The following CRX variants were observed in gnomAD, a reference collection of about 807,000 sequenced individuals.
CRX encodes cone-rod homeobox.
CRX carries 5 observed loss-of-function variants against 13.1 expected under a neutral mutation model. The ratio of observed to expected loss-of-function variants is 0.38; its 90% CI spans 0.20 to 0.80. The LOEUF (loss-of-function observed/expected upper bound fraction) is 0.80, where lower values mean the gene tolerates loss of function less well. CRX is among the 30% of genes least tolerant of loss of function. The pLI is 0.43. For missense variants in CRX, 351 were observed against 391.8 expected (o/e 0.90, Z 0.88); for synonymous variants, 179 against 171.1 (o/e 1.05, Z -0.36).
chr19:47,830,061 A>G (rs941987041), intron 1 of CRX, among the ~76,000 whole-genome samples: 4 of 149,300 alleles, frequency 2.7e-5, no homozygotes, highest in African/African-American at 7.3e-5. Context: ...AACACAAATA[A>G]TAATAAATAT....
At chr19:47,836,641 A>G (rs1390529142) in intron 3 of CRX, among the ~76,000 whole-genome samples, 1 of 152,192 alleles carries the variant, frequency 6.6e-6, no homozygotes, top group Non-Finnish European at 1.5e-5. Flanking sequence ...CTTTGCACTC[A>G]GTTTCCTCTA....
chr19:47,830,143 G>GA (rs5828319), intron 1 of CRX, among the ~76,000 whole-genome samples: 75,021 of 151,064 alleles, frequency 0.5, 19,261 homozygotes, highest in Middle Eastern at 0.63. Context: ...AATTAAATGG[G>GA]AAAAAAAGAA....
intron 1 of CRX, among the ~76,000 whole-genome samples, chr19:47,833,342 T>C (rs1968078026): frequency 6.6e-6 from 1 of 151,252 alleles, no homozygotes; most frequent in Non-Finnish European, 1.5e-5. Context: ...AGTGCGGTGG[T>C]GCGATCTTGG....
Position 47,840,244 on chromosome 19 carries a change from G to T in CRX, c.*277G>T. 2.2e-6 allele frequency: 1 copy of T among 456,320 alleles called. No homozygotes were observed. The highest frequency in any genetic ancestry group is 4.0e-6 in the Non-Finnish European group (1 of 250,646). The allele number at this position is 456,320 out of a possible 1,614,324, so 28.3% of individuals were successfully genotyped here. A position where few individuals can be genotyped will look rare whatever the true frequency, so the allele number is the denominator to read the frequency against. ...CGCTGAAGTACACCACGAGCTCCAGGCTTCAGAAAGTGGTGCTGAGAACTT... is the reference window on the plus strand; with the variant it reads ...CGCTGAAGTACACCACGAGCTCCAGTCTTCAGAAAGTGGTGCTGAGAACTT... On this transcript the variant is annotated 3_prime_UTR_variant, in exon 4 of 4. Coordinates refer to ENST00000221996, the MANE Select transcript of CRX (RefSeq NM_000554.6).
Position 47,840,391 on chromosome 19 carries a change from A to C in CRX, c.*424A>C. 5.1e-6 allele frequency: 1 copy of C among 196,122 alleles called. No individual in the cohort carries two copies. Among genetic ancestry groups the C allele is most frequent in the South Asian group, 8.5e-5 (1 of 11,744 alleles). The allele number at this position is 196,122 out of a possible 1,614,324, so 12.1% of individuals were successfully genotyped here. ...TAACTTAACTTTCCACGTGGACAGA[A>C]TTTTTTTTTTTGTTTTGTTTTTGTT... On this transcript the variant is annotated 3_prime_UTR_variant, in exon 4 of 4. Coordinates refer to ENST00000221996, the MANE Select transcript of CRX (RefSeq NM_000554.6).
At chr19:47,837,369 G>T (rs1968130021) in intron 3 of CRX, among the ~76,000 whole-genome samples, 1 of 152,088 alleles carries the variant, frequency 6.6e-6, no homozygotes, top group African/African-American at 2.4e-5. Flanking sequence ...GTTTCACCAT[G>T]TTGGCCAGGC....
chr19:47,842,676 G>T lies in CRX; in HGVS notation c.*2709G>T. On this transcript the variant is annotated 3_prime_UTR_variant, in exon 4 of 4. Coordinates refer to ENST00000221996, the MANE Select transcript of CRX (RefSeq NM_000554.6). ...GAGGAAGACAACATATGTCACTGGG[G>T]AGGCTGGGGGAGCTAGACAAAATTC... 1 of 152,400 alleles carries T rather than the reference G, an allele frequency of 6.6e-6. No individual in the cohort carries two copies. The allele number at this position is 152,400 out of a possible 1,614,324, so 9.4% of individuals were successfully genotyped here. A position where few individuals can be genotyped will look rare whatever the true frequency, so the allele number is the denominator to read the frequency against.
At chr19:47,827,564 A>G in intron 1 of CRX, among the ~76,000 whole-genome samples, 2 of 92,052 alleles carry the variant, frequency 2.2e-5, no homozygotes. Context: ...TTTTTGACAG[A>G]GTCTTGCTCT....
intron 3 of CRX, among the ~76,000 whole-genome samples, chr19:47,837,537 TGTTA>T (rs1237215509): frequency 1.3e-5 from 2 of 152,202 alleles, no homozygotes; most frequent in African/African-American, 4.8e-5. Context: ...AAAATGTGTG[TGTTA>T]GTATGATTGT....
At position 47,840,226 on chromosome 19, in the gene CRX, G is replaced by A. The variant is rs1968178137; in HGVS notation, c.*259G>A. ...GTCTGGCACGATTGTGACCGCTGAA[G>A]TACACCACGAGCTCCAGGCTTCAGA... On this transcript the variant is annotated 3_prime_UTR_variant, in exon 4 of 4. Transcript: ENST00000221996. 1 of 499,542 alleles carries A rather than the reference G, an allele frequency of 2.0e-6. No individual in the cohort carries two copies. The highest frequency in any genetic ancestry group is 3.4e-5 in the Admixed American group (1 of 29,534). The allele number at this position is 499,542 out of a possible 1,614,324, so 30.9% of individuals were successfully genotyped here.
intron 1 of CRX, among the ~76,000 whole-genome samples, chr19:47,831,986 G>A (rs1599978234): frequency 6.6e-6 from 1 of 150,710 alleles, no homozygotes; most frequent in East Asian, 1.9e-4. Flanking sequence ...TGATCCGCCT[G>A]CTTTGGCCTC....
chr19:47,829,843 C>T (rs1968022751), intron 1 of CRX, among the ~76,000 whole-genome samples: 5 of 151,284 alleles, frequency 3.3e-5, no homozygotes, highest in South Asian at 2.1e-4. Flanking sequence ...CCATGTTACC[C>T]AGGCTGGTCT....
chr19:47,828,074 AC>A (rs1260912014), intron 1 of CRX, among the ~76,000 whole-genome samples: 1 of 150,316 alleles, frequency 6.7e-6, no homozygotes, highest in Admixed American at 6.7e-5. Flanking sequence ...GAATCACTTG[AC>A]CCTGGGAGGC....
chr19:47,831,835 C>T (rs1438601631), intron 1 of CRX, among the ~76,000 whole-genome samples: 3 of 152,054 alleles, frequency 2.0e-5, no homozygotes, highest in Non-Finnish European at 4.4e-5. Context: ...CTCTGCCTCC[C>T]GGGCTCAAGC....
At chr19:47,827,641 C>T (rs1447857285) in intron 1 of CRX, among the ~76,000 whole-genome samples, 6 of 142,392 alleles carry the variant, frequency 4.2e-5, no homozygotes, top group South Asian at 2.3e-4. Context: ...CGGGTTCAAG[C>T]GATTCTCAAG....
Position 47,839,651 on chromosome 19 carries a change from A to C in CRX, c.584A>C (p.Tyr195Ser). 6.2e-7 allele frequency: 1 copy of C among 1,613,062 alleles called. No individual in the cohort carries two copies. The highest frequency in any genetic ancestry group is 1.1e-5 in the South Asian group (1 of 91,054). The change falls in exon 4 of 4, where the codon TAC (tyrosine) becomes TCC (serine). Residue 195 changes from tyrosine (Y) to serine (S), a missense_variant. By Grantham distance (144) the Tyr-to-Ser change is moderately radical. Coordinates refer to ENST00000221996, the MANE Select transcript of CRX (RefSeq NM_000554.6). The surrounding 1 kb of genome is among the most constrained non-coding windows in gnomAD (Gnocchi z 4.6). ...ACCTCCGCCCCCTATGCCATGACCT[A>C]CGCCCCGGCCTCCGCTTTCTGCTCT... ...SLTSAPYAMT[Y>S]APASAFCSSP... is the part of the protein sequence containing the mutation.
chr19:47,825,994 G>A lies in CRX; in HGVS notation c.-36+3984G>A, dbSNP rs567893707. On this transcript the variant is annotated intron_variant, in intron 1 of 3. Transcript: ENST00000221996. ...GTGAGCTTTCTTGGCTTTCCTGGAA[G>A]GTTAACTGCTTAGCCAGGCAATCTG... Among the ~76,000 whole-genome samples, 15 of 152,282 alleles carry A rather than the reference G, an allele frequency of 9.9e-5. No homozygotes were observed. In the South Asian group the frequency reaches 3.1e-3, roughly 32 times the overall value.
chr19:47,822,982 TG>T (rs376746628), intron 1 of CRX, among the ~76,000 whole-genome samples: 16,268 of 151,808 alleles, frequency 0.11, 1,174 homozygotes, highest in Non-Finnish European at 0.14. Context: ...TTAGTAGAGA[TG>T]GGGGGTCTCT....
At chr19:47,827,867 A>T (rs1967994313) in intron 1 of CRX, among the ~76,000 whole-genome samples, 1 of 120,088 alleles carries the variant, frequency 8.3e-6, no homozygotes, top group Non-Finnish European at 1.8e-5. Context: ...AAAAAAAAAA[A>T]AAAAGGCAGG....
Sources: gnomAD v4.1 joint callset for allele counts (sites outside exome capture counted in the v4.1 genomes callset) on GRCh38, gnomAD v4.1.1 for gene constraint, Gnocchi (gnomAD v3.1) non-coding constraint, MANE v1.5 for transcripts, NCBI Gene and HGNC (gene_info 2026-07-23, HGNC 2026-07-21) for gene names.